GAS7: variants seen among roughly 807,000 people sequenced by gnomAD.
GAS7 encodes growth arrest specific 7, also known as growth arrest-specific protein 7.
Under a neutral mutation model 71.1 loss-of-function variants are expected in GAS7, and 28 were observed. That is an observed-to-expected ratio of 0.39 (90% CI 0.29 to 0.54). The LOEUF (loss-of-function observed/expected upper bound fraction) is 0.54, where lower values mean the gene tolerates loss of function less well. Ranked by LOEUF, GAS7 falls within the 20% of genes least tolerant of loss-of-function variation. The pLI is 0.62. For synonymous variants in GAS7, 258 were observed against 245.8 expected (o/e 1.05, Z -0.46); for missense variants, 436 against 627.8 (o/e 0.69, Z 3.27).
chr17:10,091,322 G>A (rs1597786252), intron 1 of GAS7, among the ~76,000 whole-genome samples: 1 of 152,060 alleles, frequency 6.6e-6, no homozygotes, highest in African/African-American at 2.4e-5. Context: ...GAGAAGTAAC[G>A]GTTGTACAAC....
rs189217199 is a variant in GAS7, at chr17:10,046,554, A to G, written c.184-26657T>C. Reference sequence around the variant, plus strand: ...AGTTCCAGACCAGCCTGGCCAATATAGTGAAACCTCGTCTCTACTAAAAAT... The same window carrying G: ...AGTTCCAGACCAGCCTGGCCAATATGGTGAAACCTCGTCTCTACTAAAAAT... On this transcript the variant is annotated intron_variant, in intron 1 of 13. Transcript: ENST00000432992. Among the ~76,000 whole-genome samples the G allele has an allele frequency of 1.9e-3, 285 of 150,958 alleles. 1 individual carries two copies. The highest frequency in any genetic ancestry group is 6.7e-3 in the African/African-American group (275 of 41,038).
At chr17:10,087,311 T>C (rs1367517833) in intron 1 of GAS7, among the ~76,000 whole-genome samples, 3 of 152,200 alleles carry the variant, frequency 2.0e-5, no homozygotes, top group African/African-American at 7.2e-5. Context: ...TGGCCCAGCA[T>C]GTTTTCTGAG....
intron 1 of GAS7, among the ~76,000 whole-genome samples, chr17:10,047,153 A>G (rs913195462): frequency 6.6e-6 from 1 of 152,174 alleles, no homozygotes; most frequent in Non-Finnish European, 1.5e-5. Flanking sequence ...AGTGCAGGGT[A>G]GAACAAGGGG....
chr17:10,012,375 C>T (rs950749439), intron 2 of GAS7, among the ~76,000 whole-genome samples: 2 of 152,110 alleles, frequency 1.3e-5, no homozygotes, highest in East Asian at 3.9e-4. Flanking sequence ...GCAACCTCTG[C>T]CTCCTGGGCT....
Position 9,981,927 on chromosome 17 carries a change from A to G in GAS7, c.305-43T>C, listed in dbSNP as rs745320121. The G allele has an allele frequency of 1.9e-6, 2 of 1,073,306 alleles. No individual in the cohort carries two copies. The highest frequency in any genetic ancestry group is 3.4e-5 in the Admixed American group (2 of 59,144). The allele number at this position is 1,073,306 out of a possible 1,614,324, so 66.5% of individuals were successfully genotyped here. A position where few individuals can be genotyped will look rare whatever the true frequency, so the allele number is the denominator to read the frequency against. ...AAGAAAATCACTTTGAGAATGTCAC[A>G]GGGCAGAACCTGAGTTTCACAGAGC... On this transcript the variant is annotated intron_variant, in intron 2 of 13. Transcript: ENST00000432992. The surrounding 1 kb of genome is among the most constrained non-coding windows in gnomAD (Gnocchi z 4.4).
At chr17:10,005,304 CAT>C (rs2071481004) in intron 2 of GAS7, among the ~76,000 whole-genome samples, 3 of 150,498 alleles carry the variant, frequency 2.0e-5, no homozygotes, top group Admixed American at 6.6e-5. Flanking sequence ...TGTATATACA[CAT>C]ATATACACAC....
At chr17:10,087,022 G>C (rs17685869) in intron 1 of GAS7, among the ~76,000 whole-genome samples, 4,149 of 152,268 alleles carry the variant, frequency 0.027, 79 homozygotes, top group Middle Eastern at 0.044. Context: ...ACTTGACAAA[G>C]GACCTCTACT....
intron 1 of GAS7, chr17:10,114,699 CACA>C: frequency 2.9e-4 from 1 of 3,398 alleles, no homozygotes; most frequent in Non-Finnish European, 3.3e-3. Flanking sequence ...AGAAAAACCA[CACA>C]CACACACACA....
chr17:10,173,877 C>T (rs1201945972), intron 1 of GAS7, among the ~76,000 whole-genome samples: 1 of 152,152 alleles, frequency 6.6e-6, no homozygotes, highest in African/African-American at 2.4e-5. Flanking sequence ...CCCAAAGAAC[C>T]AGCAGCAGCA....
Position 9,911,934 on chromosome 17 carries a change from T to C in GAS7, c.*5294A>G, listed in dbSNP as rs923405308. ...CTGGTCTGGCCTTAACTGGGTGTGG[T>C]CCTGTCCCTGCCACCATGTACCACC... On this transcript the variant is annotated 3_prime_UTR_variant, in exon 14 of 14. Coordinates refer to ENST00000432992, the MANE Select transcript of GAS7 (RefSeq NM_201433.2). This position sits in a 1 kb window ranked among gnomAD's most constrained non-coding sequence, Gnocchi z 4.0. The C allele has an allele frequency of 4.3e-6, 1 of 231,970 alleles. No homozygotes were observed. The highest frequency in any genetic ancestry group is 2.2e-5 in the African/African-American group (1 of 45,244). 14.4% of individuals were successfully genotyped at this position (231,970 alleles called of 1,614,324 possible).
intron 1 of GAS7, among the ~76,000 whole-genome samples, chr17:10,169,308 C>T (rs1223706380): frequency 6.6e-6 from 1 of 152,102 alleles, no homozygotes; most frequent in African/African-American, 2.4e-5. Flanking sequence ...TTCACATTTA[C>T]ACTCAGCACA....
chr17:9,994,990 G>A (rs1395435872), intron 2 of GAS7, among the ~76,000 whole-genome samples: 3 of 152,198 alleles, frequency 2.0e-5, no homozygotes, highest in South Asian at 2.1e-4. Context: ...TCACCGTGAC[G>A]TGGCAACGGA....
Position 9,915,830 on chromosome 17 carries a change from A to C in GAS7, c.*1398T>G, listed in dbSNP as rs2067568169. The C allele has an allele frequency of 4.3e-6, 1 of 230,996 alleles. No homozygotes were observed. The highest frequency in any genetic ancestry group is 8.6e-6 in the Non-Finnish European group (1 of 116,706). 14.3% of individuals were successfully genotyped at this position (230,996 alleles called of 1,614,324 possible). ...CTCATGCTTCTCCCGGCCCCTTTAG[A>C]CTCTTTAGACTGACATGGTGGAGAA... On this transcript the variant is annotated 3_prime_UTR_variant, in exon 14 of 14. Coordinates refer to ENST00000432992, the MANE Select transcript of GAS7 (RefSeq NM_201433.2).
chr17:10,166,611 G>GCA (rs994063157), intron 1 of GAS7, among the ~76,000 whole-genome samples: 1 of 152,066 alleles, frequency 6.6e-6, no homozygotes, highest in African/African-American at 2.4e-5. Context: ...TCTTTTATGT[G>GCA]CACACACACA....
chr17:10,089,459 C>T lies in GAS7; in HGVS notation c.184-69562G>A, dbSNP rs770882029. On this transcript the variant is annotated intron_variant, in intron 1 of 13. Coordinates refer to ENST00000432992, the MANE Select transcript of GAS7 (RefSeq NM_201433.2). Reference sequence around the variant, plus strand: ...ACCACCTGCTCCGGGCAAGCACAACCATTCCTGTGCTAACACCAAAAGAAA... The same window carrying T: ...ACCACCTGCTCCGGGCAAGCACAACTATTCCTGTGCTAACACCAAAAGAAA... Among the ~76,000 whole-genome samples the T allele has an allele frequency of 1.2e-3, 184 of 152,046 alleles. 1 individual carries two copies. Among genetic ancestry groups the T allele is most frequent in the Non-Finnish European group, 2.0e-3 (137 of 67,996 alleles).
At chr17:10,134,782 C>A (rs1410065940) in intron 1 of GAS7, among the ~76,000 whole-genome samples, 4 of 152,072 alleles carry the variant, frequency 2.6e-5, no homozygotes, top group African/African-American at 9.7e-5. Flanking sequence ...GCAGGGCTAC[C>A]CCCTGGGCAG....
intron 1 of GAS7, among the ~76,000 whole-genome samples, chr17:10,151,711 C>CT (rs1189152878): frequency 6.6e-6 from 1 of 151,972 alleles, no homozygotes; most frequent in Admixed American, 6.6e-5. Flanking sequence ...TGCCCAGCTA[C>CT]TTTTTTTATT....
chr17:9,978,486 C>T (rs1186546292), intron 3 of GAS7, among the ~76,000 whole-genome samples: 2 of 150,632 alleles, frequency 1.3e-5, no homozygotes, highest in African/African-American at 4.9e-5. Context: ...ACTGTTTCTA[C>T]AGAAAAAAAT....
At chr17:10,135,996 C>G (rs1277699539) in intron 1 of GAS7, among the ~76,000 whole-genome samples, 1 of 152,114 alleles carries the variant, frequency 6.6e-6, no homozygotes, top group Non-Finnish European at 1.5e-5. Flanking sequence ...CGAGTTGGCC[C>G]CACTGAGCAG....
Sources: gnomAD v4.1 joint callset for allele counts (sites outside exome capture counted in the v4.1 genomes callset) on GRCh38, gnomAD v4.1.1 for gene constraint, Gnocchi (gnomAD v3.1) non-coding constraint, MANE v1.5 for transcripts, NCBI Gene and HGNC (gene_info 2026-07-23, HGNC 2026-07-21) for gene names.